SLC38A11: variants seen among roughly 807,000 people sequenced by gnomAD.
SLC38A11 encodes the protein putative sodium-coupled neutral amino acid transporter 11.
In SLC38A11, 51 loss-of-function variants were observed where a neutral mutation model predicts 49.4. The observed-to-expected ratio is 1.03, with a 90% confidence interval of 0.83 to 1.30. The LOEUF is 1.30. Ranked by LOEUF, SLC38A11 falls within the 50% of genes most tolerant of loss-of-function variation. The pLI, the probability that SLC38A11 is intolerant of heterozygous loss-of-function variation, is 0.00. For synonymous variants in SLC38A11, 203 were observed against 192.9 expected, an observed-to-expected ratio of 1.05 and a Z score of -0.43; for missense variants, 574 against 556.2, an observed-to-expected ratio of 1.03 and a Z score of -0.32.
chr2:164,954,570 C>T (rs1271185741), intron 2 of SLC38A11, 61 bp downstream of exon 2: 10 of 670,782 alleles, frequency 1.5e-5, no homozygotes, highest in African/African-American at 3.7e-5. Flanking sequence ...ACACTAGCAG[C>T]GTAGCGAGTC....
intron 5 of SLC38A11, among the ~76,000 whole-genome samples, chr2:164,940,731 GTATATATATGTATATGATGTA>G (rs958428600): frequency 1.6e-4 from 24 of 149,440 alleles, no homozygotes; most frequent in African/African-American, 5.9e-4. Context: ...TATATGTAGT[GTATATATATGTATATGATGTA>G]TATATATATG....
At chr2:164,950,601 C>T (rs1292826261) in intron 3 of SLC38A11, among the ~76,000 whole-genome samples, 3 of 152,026 alleles carry the variant, frequency 2.0e-5, no homozygotes, top group Admixed American at 6.6e-5. Context: ...TGTTACTTAA[C>T]AAAAGAATTT....
chr2:164,935,031 A>AC (rs1382939881), intron 7 of SLC38A11, among the ~76,000 whole-genome samples: 17 of 152,222 alleles, frequency 1.1e-4, no homozygotes, highest in African/African-American at 4.1e-4. Flanking sequence ...CTTCTTTTAA[A>AC]ACACACAAAG....
intron 7 of SLC38A11, among the ~76,000 whole-genome samples, chr2:164,925,721 A>G (rs1036709134): frequency 2.0e-5 from 3 of 152,200 alleles, no homozygotes; most frequent in African/African-American, 7.2e-5. Flanking sequence ...CACTGAGGTT[A>G]TCTCTTATGT....
At chr2:164,951,284 T>C (rs1265028288) in intron 3 of SLC38A11, among the ~76,000 whole-genome samples, 1 of 152,182 alleles carries the variant, frequency 6.6e-6, no homozygotes, top group Non-Finnish European at 1.5e-5. Flanking sequence ...ATAGTGATTA[T>C]GGTGGAAATC....
chr2:164,914,795 G>A (rs1333926106), intron 9 of SLC38A11, among the ~76,000 whole-genome samples: 5 of 151,996 alleles, frequency 3.3e-5, no homozygotes, highest in East Asian at 1.9e-4. Flanking sequence ...AATCCAAATC[G>A]AAGCTATTTG....
At chr2:164,916,030 A>C in intron 7 of SLC38A11, 57 bp from the exon 8 acceptor site, 1 of 1,197,454 alleles carries the variant, frequency 8.4e-7, no homozygotes, top group South Asian at 1.3e-5. Context: ...GCATCAGTAT[A>C]TCAGATAACA....
At chr2:164,923,322 G>A (rs1251813213) in intron 7 of SLC38A11, among the ~76,000 whole-genome samples, 2 of 152,136 alleles carry the variant, frequency 1.3e-5, no homozygotes, top group Non-Finnish European at 2.9e-5. Context: ...TACAAACTCT[G>A]TATATGACAA....
chr2:164,952,335 G>A (rs781124507), intron 3 of SLC38A11, among the ~76,000 whole-genome samples: 1 of 152,110 alleles, frequency 6.6e-6, no homozygotes, highest in African/African-American at 2.4e-5. Flanking sequence ...AGCTGAATAA[G>A]GTTGCTCATT....
chr2:164,954,231 T>C (rs1309093301), intron 2 of SLC38A11, among the ~76,000 whole-genome samples: 1 of 152,228 alleles, frequency 6.6e-6, no homozygotes, highest in East Asian at 1.9e-4. Context: ...TACAAATATC[T>C]GGAAGTTTTA....
At chr2:164,936,755 G>C (rs1203791393) in intron 7 of SLC38A11, among the ~76,000 whole-genome samples, 2 of 152,042 alleles carry the variant, frequency 1.3e-5, no homozygotes, top group Non-Finnish European at 2.9e-5. Context: ...AGTTTAGATT[G>C]ACAATACACA....
At chr2:164,948,149 C>A (rs34053287) in intron 3 of SLC38A11, among the ~76,000 whole-genome samples, 35,998 of 152,058 alleles carry the variant, frequency 0.24, 4,828 homozygotes, top group East Asian at 0.33. Flanking sequence ...AATATGGCAC[C>A]CTTGAAGAGT....
In SLC38A11 at chr2:164,896,372, A is replaced by T. The variant is rs1684376348; in HGVS notation, c.*2065T>A. ...TTCATCTACTTGAAGAGTATGAAGC[A>T]ACACCAAAGTACAAGATAAGAGATG... On this transcript the variant is annotated 3_prime_UTR_variant, in exon 12 of 12. Transcript: ENST00000685975. 1 of 152,176 alleles carries T rather than the reference A, an allele frequency of 6.6e-6. No homozygotes were observed. Among genetic ancestry groups the T allele is most frequent in the African/African-American group, 2.4e-5 (1 of 41,452 alleles). The allele number at this position is 152,176 out of a possible 1,614,324, so 9.4% of individuals were successfully genotyped here.
rs182420632 is a variant in SLC38A11 at position 164,907,760 on chromosome 2, A to G, written c.1095+880T>C. On this transcript the variant is annotated intron_variant, in intron 11 of 11. Coordinates refer to ENST00000685975, the MANE Select transcript of SLC38A11 (RefSeq NM_001351537.2). ...ATCTTAAAGTTTTTGTAAAATTTGG[A>G]CAGAAATGAAAGAAAAATAATCATT... is the stretch of plus-strand genomic sequence containing the variant. Among the ~76,000 whole-genome samples, 162 of 152,290 alleles carry G rather than the reference A, an allele frequency of 1.1e-3. 1 individual carries two copies. The highest frequency in any genetic ancestry group is 3.8e-3 in the African/African-American group (157 of 41,556).
intron 7 of SLC38A11, among the ~76,000 whole-genome samples, chr2:164,927,537 G>A (rs914702560): frequency 2.6e-5 from 4 of 152,124 alleles, no homozygotes; most frequent in African/African-American, 7.2e-5. Flanking sequence ...GAATGGCAAA[G>A]TATCCCTCTT....
chr2:164,950,160 G>A (rs1688422926), intron 3 of SLC38A11: 1 of 152,134 alleles, frequency 6.6e-6, no homozygotes, highest in Non-Finnish European at 1.5e-5. Context: ...TACTTTTTTG[G>A]AGGAGAAAAT....
At chr2:164,946,156 A>C (rs1688090518) in intron 3 of SLC38A11, among the ~76,000 whole-genome samples, 1 of 152,262 alleles carries the variant, frequency 6.6e-6, no homozygotes, top group African/African-American at 2.4e-5. Flanking sequence ...GGTAGCATGT[A>C]GAAAACAATA....
intron 3 of SLC38A11, 123 bp downstream of exon 3, chr2:164,952,584 T>G: frequency 1.4e-6 from 1 of 732,094 alleles, no homozygotes; most frequent in Non-Finnish European, 2.4e-6. Context: ...TTCTTTAGGA[T>G]TCTTTGATGC....
At position 164,944,629 on chromosome 2, in the gene SLC38A11, T is replaced by C; in HGVS notation, c.370A>G (p.Ile124Val). The change falls in exon 5 of 12, where the codon ATA becomes GTA. Residue 124 changes from isoleucine (I) to valine (V), a missense_variant. Ile to Val is a conservative substitution (Grantham distance 29). Transcript: ENST00000685975. ...TCTCCAGCTATTATATTGTAACTTATCATTGCTAAAAACATAATTAAAATA... is the reference window on the plus strand; with the variant it reads ...TCTCCAGCTATTATATTGTAACTTACCATTGCTAAAAACATAATTAAAATA... ...LQFLYPFIAM[I>V]SYNIIAGDTL... 7.8e-7 allele frequency: 1 copy of C among 1,274,576 alleles called. No individual in the cohort carries two copies. The highest frequency in any genetic ancestry group is 2.0e-4 in the Middle Eastern group (1 of 4,988). The allele number at this position is 1,274,576 out of a possible 1,614,324, so 79.0% of individuals were successfully genotyped here.
Sources: allele counts gnomAD v4.1 joint callset (sites outside exome capture counted in the v4.1 genomes callset), GRCh38; gene constraint gnomAD v4.1.1; transcripts MANE v1.5; gene names NCBI Gene and HGNC (gene_info 2026-07-23, HGNC 2026-07-21).